GID4: variants seen among roughly 807,000 people sequenced by gnomAD.
The protein encoded by GID4 is glucose-induced degradation protein 4 homolog.
In GID4, 7 loss-of-function variants were observed where a neutral mutation model predicts 32.4. That is an observed-to-expected ratio of 0.22 (90% CI 0.12 to 0.41). GID4 has a LOEUF of 0.41. GID4 is among the 10% of genes least tolerant of loss of function. The pLI is 1.00. For missense variants in GID4, 309 were observed against 400.0 expected (o/e 0.77, Z 1.94); for synonymous variants, 166 against 170.0 (o/e 0.98, Z 0.18).
At chr17:18,054,499 C>G (rs897591364) in intron 3 of GID4, among the ~76,000 whole-genome samples, 7 of 152,198 alleles carry the variant, frequency 4.6e-5, no homozygotes, top group African/African-American at 1.7e-4. Context: ...CTATCAGAAT[C>G]TTAACAGTGT....
intron 3 of GID4, chr17:18,057,017 T>C: frequency 1.9e-6 from 3 of 1,546,662 alleles, no homozygotes; most frequent in Non-Finnish European, 2.6e-6. Flanking sequence ...ATTTTTTCAT[T>C]ATAAACTAGA....
At chr17:18,057,978 G>A (rs571430964) in intron 3 of GID4, among the ~76,000 whole-genome samples, 56 of 151,848 alleles carry the variant, frequency 3.7e-4, no homozygotes, top group Admixed American at 9.2e-4. Flanking sequence ...GACTACAGGC[G>A]ACCACCACCA....
chr17:18,044,017 G>A (rs2044827370), intron 1 of GID4, among the ~76,000 whole-genome samples: 1 of 152,138 alleles, frequency 6.6e-6, no homozygotes, highest in South Asian at 2.1e-4. Context: ...GGCCTACGAT[G>A]GGCCCAGTTT....
intron 5 of GID4, among the ~76,000 whole-genome samples, chr17:18,064,573 GCCC>G (rs2045044187): frequency 6.6e-6 from 1 of 152,116 alleles, no homozygotes; most frequent in African/African-American, 2.4e-5. Context: ...TAGATTGTCT[GCCC>G]CTATTTCTCC....
chr17:18,050,411 G>A (rs905153801), intron 2 of GID4, among the ~76,000 whole-genome samples: 2 of 152,182 alleles, frequency 1.3e-5, no homozygotes, highest in African/African-American at 4.8e-5. Context: ...TGAGCCATCC[G>A]TCAGTCAAGA....
intron 2 of GID4, among the ~76,000 whole-genome samples, chr17:18,053,279 C>T (rs2044932015): frequency 6.7e-6 from 1 of 149,786 alleles, no homozygotes; most frequent in Non-Finnish European, 1.5e-5. Flanking sequence ...TCCCAAAGTG[C>T]TGGGATTACA....
At chr17:18,065,108 G>A (rs1457356574) in intron 5 of GID4, 72 bp from the exon 6 acceptor site, 2 of 1,071,384 alleles carry the variant, frequency 1.9e-6, no homozygotes, top group African/African-American at 3.1e-5. Context: ...TGCTTTTTGA[G>A]GGGTTACTAA....
In GID4 at chr17:18,045,130, G is replaced by A. The variant is rs1341503417; in HGVS notation, c.439-17G>A. On this transcript the variant is annotated splice_polypyrimidine_tract_variant and intron_variant, in intron 1 of 5. Coordinates refer to ENST00000268719, the MANE Select transcript of GID4 (RefSeq NM_024052.5). ...AGTTTATCTATTTGTGACAGGCTGT[G>A]TATCCTTTCTTTTCAGCACGTGGAC... 1.9e-6 allele frequency: 3 copies of A among 1,605,108 alleles called. No homozygotes were observed. In the East Asian group the frequency reaches 6.7e-5, roughly 36 times the overall value.
intron 2 of GID4, among the ~76,000 whole-genome samples, chr17:18,047,501 C>T (rs748532103): frequency 3.3e-5 from 5 of 152,260 alleles, no homozygotes; most frequent in Admixed American, 6.5e-5. Context: ...AGCTCTCCAT[C>T]GGGAACAAGT....
rs1286220462 is a variant in GID4, at chr17:18,061,644, A to C, written c.709-201A>C. Among the ~76,000 whole-genome samples the C allele has an allele frequency of 2.0e-5, 3 of 152,074 alleles. No homozygotes were observed. Among genetic ancestry groups the C allele is most frequent in the Non-Finnish European group, 4.4e-5 (3 of 68,016 alleles). On this transcript the variant is annotated intron_variant, in intron 4 of 5. Coordinates refer to ENST00000268719, the MANE Select transcript of GID4 (RefSeq NM_024052.5). The surrounding 1 kb of genome is among the most constrained non-coding windows in gnomAD (Gnocchi z 4.4). Reference sequence around the variant, plus strand: ...CACAGTTTGTCACTTTAGTATATAGAATACTCCAGGAGCACATGGACGCTT... The same window carrying C: ...CACAGTTTGTCACTTTAGTATATAGCATACTCCAGGAGCACATGGACGCTT...
chr17:18,048,556 A>C (rs2044878705), intron 2 of GID4, among the ~76,000 whole-genome samples: 1 of 151,978 alleles, frequency 6.6e-6, no homozygotes, highest in South Asian at 2.1e-4. Flanking sequence ...AATGCAGAAA[A>C]CTACAATGAA....
chr17:18,040,499 C>G (rs147085155), intron 1 of GID4, among the ~76,000 whole-genome samples: 1 of 152,302 alleles, frequency 6.6e-6, no homozygotes, highest in Non-Finnish European at 1.5e-5. Flanking sequence ...CCTGGCCTCA[C>G]CTCAAGACCA....
chr17:18,057,123 C>T, intron 3 of GID4: 6 of 1,426,770 alleles, frequency 4.2e-6, no homozygotes, highest in Non-Finnish European at 5.6e-6. Flanking sequence ...TATATTCAGT[C>T]TACATAGGAT....
chr17:18,057,766 A>G (rs1361550325), intron 3 of GID4, among the ~76,000 whole-genome samples: 2 of 151,910 alleles, frequency 1.3e-5, no homozygotes, highest in Non-Finnish European at 2.9e-5. Context: ...TGGGTTCTGT[A>G]TCTGTGGATT....
chr17:18,061,753 G>A lies in GID4; in HGVS notation c.709-92G>A. ...CTATGAGATCCTATATTTTTCTCGA[G>A]TGGTCCTTAGAACCCCCTGATGCTT... On this transcript the variant is annotated intron_variant, in intron 4 of 5. Transcript: ENST00000268719. The surrounding 1 kb of genome is among the most constrained non-coding windows in gnomAD (Gnocchi z 4.4). The A allele has an allele frequency of 1.6e-6, 2 of 1,228,776 alleles. No individual in the cohort carries two copies. The highest frequency in any genetic ancestry group is 2.4e-6 in the Non-Finnish European group (2 of 846,570). 76.1% of individuals were successfully genotyped at this position (1,228,776 alleles called of 1,614,324 possible).
intron 2 of GID4, among the ~76,000 whole-genome samples, chr17:18,046,550 A>G (rs763922829): frequency 2.6e-5 from 4 of 152,002 alleles, no homozygotes; most frequent in African/African-American, 4.8e-5. Flanking sequence ...GAAGGCAGCA[A>G]TGTGCTGTGA....
chr17:18,068,086 T>G lies in GID4; in HGVS notation c.*2843T>G, dbSNP rs1001572256. On this transcript the variant is annotated 3_prime_UTR_variant, in exon 6 of 6. Transcript: ENST00000268719. ...CTTTTGCTTTCAGAAACAGAGAATA[T>G]AATATTCTCACTAAGGCCTTGAATT... 6.6e-6 allele frequency: 1 copy of G among 152,622 alleles called. No individual in the cohort carries two copies. Among genetic ancestry groups the G allele is most frequent in the Non-Finnish European group, 1.5e-5 (1 of 68,050 alleles). 9.5% of individuals were successfully genotyped at this position (152,622 alleles called of 1,614,324 possible).
chr17:18,057,308 T>C (rs573959988), intron 3 of GID4: 27 of 324,988 alleles, frequency 8.3e-5, no homozygotes, highest in African/African-American at 4.5e-4. Flanking sequence ...GGCACACACC[T>C]GTAATCCCAG....
rs577677870 is a variant in GID4, at chr17:18,057,217, A to C, written c.607-1651A>C. The C allele has an allele frequency of 8.0e-6, 5 of 628,882 alleles. No individual in the cohort carries two copies. In the Admixed American group the frequency reaches 1.6e-4, roughly 20 times the overall value. 39.0% of individuals were successfully genotyped at this position (628,882 alleles called of 1,614,324 possible). A position where few individuals can be genotyped will look rare whatever the true frequency, so the allele number is the denominator to read the frequency against. On this transcript the variant is annotated intron_variant, in intron 3 of 5. Transcript: ENST00000268719. ...GAGGCCGAGGCAGATGGATCACCTGAGGTCAGGAGTTCGAGAACAGCCTGG... is the reference window on the plus strand; with the variant it reads ...GAGGCCGAGGCAGATGGATCACCTGCGGTCAGGAGTTCGAGAACAGCCTGG...
Sources: gnomAD v4.1 joint callset for allele counts (sites outside exome capture counted in the v4.1 genomes callset) on GRCh38, gnomAD v4.1.1 for gene constraint, Gnocchi (gnomAD v3.1) non-coding constraint, MANE v1.5 for transcripts, NCBI Gene and HGNC (gene_info 2026-07-23, HGNC 2026-07-21) for gene names.